Variants in PASK observed in about 807,000 individuals in gnomAD.
PASK encodes PAS domain containing serine/threonine kinase.
Under a neutral mutation model 121.0 loss-of-function variants are expected in PASK, and 110 were observed. The ratio of observed to expected loss-of-function variants is 0.91; its 90% CI spans 0.78 to 1.06. The LOEUF (loss-of-function observed/expected upper bound fraction) is 1.06, where lower values mean the gene tolerates loss of function less well. Among genes scored for constraint, PASK ranks in the 50% least tolerant of loss-of-function variants. The probability of loss-of-function intolerance (pLI) is 0.00; values close to 1 mark genes in which losing one functional copy is unlikely to be tolerated. For missense variants in PASK, 1,643 were observed against 1,702.3 expected (o/e 0.97, Z 0.61); for synonymous variants, 686 against 717.8 (o/e 0.96, Z 0.71).
At chr2:241,132,776 GAAT>G in intron 9 of PASK, 95 bp downstream of exon 9, 1 of 1,024,718 alleles carries the variant, frequency 9.8e-7, no homozygotes, top group South Asian at 1.3e-5. Context: ...ATGTTACTAT[GAAT>G]AATAGGCTGA....
chr2:241,126,113 C>A (rs1422055203), intron 10 of PASK, 83 bp downstream of exon 10: 3 of 1,235,130 alleles, frequency 2.4e-6, no homozygotes, highest in Non-Finnish European at 1.2e-6. Flanking sequence ...CCCCATCAGA[C>A]CCCAGAACAA....
chr2:241,149,218 T>C (rs891866030), intron 1 of PASK, among the ~76,000 whole-genome samples, 196 bp downstream of exon 1: 8 of 152,070 alleles, frequency 5.3e-5, no homozygotes, highest in Non-Finnish European at 1.2e-4. Flanking sequence ...CCCGCCGCGA[T>C]TTGGGCACGG....
At chr2:241,126,007 C>T (rs2065841948) in intron 10 of PASK, among the ~76,000 whole-genome samples, 189 bp downstream of exon 10, 1 of 152,220 alleles carries the variant, frequency 6.6e-6, no homozygotes, top group Non-Finnish European at 1.5e-5. Flanking sequence ...GCCACCCTCC[C>T]CAGGCACACA....
intron 1 of PASK, among the ~76,000 whole-genome samples, chr2:241,148,543 T>G (rs2067090178): frequency 6.6e-6 from 1 of 151,516 alleles, no homozygotes; most frequent in Admixed American, 6.6e-5. Context: ...CCCAGAAGAG[T>G]AGGTGGACGT....
chr2:241,107,258 C>G (rs2064924508), intron 17 of PASK, 95 bp downstream of exon 17: 4 of 1,064,866 alleles, frequency 3.8e-6, no homozygotes, highest in Non-Finnish European at 5.9e-6. Flanking sequence ...GGGGAGAGAG[C>G]CTCCTTTTCC....
intron 12 of PASK, among the ~76,000 whole-genome samples, chr2:241,117,085 G>A (rs2065405832): frequency 6.6e-6 from 1 of 151,680 alleles, no homozygotes; most frequent in Admixed American, 6.6e-5. Flanking sequence ...GGAGGCGGGG[G>A]GCTGGGCAGG....
chr2:241,132,954 T>G lies in PASK; in HGVS notation c.1383A>C (p.Gln461His), dbSNP rs778277596. The change falls in exon 9 of 18, where the codon CAA becomes CAC. Residue 461 changes from glutamine to histidine, a missense_variant. By Grantham distance (24) the Gln-to-His change is conservative. This residue lies in a region of PASK where 1,176 missense variants were observed against 1,162.2 expected (regional missense o/e 1.01). Coordinates refer to ENST00000234040, the MANE Select transcript of PASK (RefSeq NM_015148.4). ...CAGTCTGAGTCCCGGTGAAGATGTC[T>G]TGGCTTTCCATCAGCTTCCGGATCT... Reference protein sequence around the residue: ...RDEIRKLMESQDIFTGTQTEL... With the variant: ...RDEIRKLMESHDIFTGTQTEL... The G allele has an allele frequency of 1.2e-6, 2 of 1,613,988 alleles. No individual in the cohort carries two copies. Among genetic ancestry groups the G allele is most frequent in the South Asian group, 1.1e-5 (1 of 91,074 alleles).
intron 12 of PASK, 57 bp downstream of exon 12, chr2:241,122,675 A>C: frequency 6.5e-7 from 1 of 1,539,750 alleles, no homozygotes; most frequent in Non-Finnish European, 9.0e-7. Flanking sequence ...TGGGACCAAA[A>C]GTCGAGAGCC....
chr2:241,141,581 A>C (rs983142539), intron 2 of PASK, among the ~76,000 whole-genome samples: 3 of 151,748 alleles, frequency 2.0e-5, no homozygotes, highest in Non-Finnish European at 4.4e-5. Context: ...CATCTCACCC[A>C]TTCCTCGGTA....
In PASK at chr2:241,106,456, T is replaced by C; in HGVS notation, c.*110A>G. The C allele has an allele frequency of 8.9e-7, 1 of 1,128,066 alleles. No homozygotes were observed. 69.9% of individuals were successfully genotyped at this position (1,128,066 alleles called of 1,614,324 possible). A position where few individuals can be genotyped will look rare whatever the true frequency, so the allele number is the denominator to read the frequency against. On this transcript the variant is annotated 3_prime_UTR_variant, in exon 18 of 18. Transcript: ENST00000234040. ...GTTTATCAAACCTGCACATGAGTTT[T>C]TAGAAGGTGAATTGGGGATGCTTCA...
At chr2:241,129,528 TC>T (rs1372401701) in intron 9 of PASK, among the ~76,000 whole-genome samples, 1 of 152,244 alleles carries the variant, frequency 6.6e-6, no homozygotes, top group East Asian at 1.9e-4. Flanking sequence ...AAACAGCTTC[TC>T]ACGTGCTTAG....
chr2:241,135,297 C>A (rs760980626), intron 8 of PASK, among the ~76,000 whole-genome samples: 15 of 152,196 alleles, frequency 9.9e-5, no homozygotes, highest in Admixed American at 2.6e-4. Context: ...TCAGTACACT[C>A]AGGGGATGGG....
chr2:241,115,062 G>C lies in PASK; in HGVS notation c.3314C>G (p.Ala1105Gly), dbSNP rs201337454. 1 of 1,614,122 alleles carries C rather than the reference G, an allele frequency of 6.2e-7. No homozygotes were observed. The highest frequency in any genetic ancestry group is 2.2e-5 in the East Asian group (1 of 44,884). The change falls in exon 14 of 18, where the codon GCG becomes GGG. Residue 1105 changes from alanine to glycine, a missense_variant. This residue lies in a region of PASK where 453 missense variants were observed against 511.2 expected (regional missense o/e 0.89). Transcript: ENST00000234040. The stretch of plus-strand genomic sequence containing the variant: ...TCTCACTTGTCGGAAGATGTAGCTC[G>C]CCAGGGGCTCATCCAGCCTGGGGTG... Reference protein sequence around the residue: ...DRHPRLDEPLASYIFRQLVSA... With the variant: ...DRHPRLDEPLGSYIFRQLVSA...
Position 241,115,126 on chromosome 2 carries a change from G to C in PASK, c.3250C>G (p.His1084Asp). Residue 1084 changes from histidine (H) to aspartate (D), a missense_variant, in exon 14 of 18, where the codon CAC becomes GAC. Coordinates refer to ENST00000234040, the MANE Select transcript of PASK (RefSeq NM_015148.4). ...GCGAAGAGGTCTAGGCCGGAGCCGT[G>C]CTTCTCCATCACAAGCTGGAAGAAC... The part of the protein sequence containing the change: ...QGFFQLVMEK[H>D]GSGLDLFAFI... 1 of 1,614,088 alleles carries C rather than the reference G, an allele frequency of 6.2e-7. No individual in the cohort carries two copies. The highest frequency in any genetic ancestry group is 8.5e-7 in the Non-Finnish European group (1 of 1,179,966).
chr2:241,116,323 G>A (rs972664382), intron 12 of PASK, among the ~76,000 whole-genome samples: 1 of 152,244 alleles, frequency 6.6e-6, no homozygotes, highest in African/African-American at 2.4e-5. Context: ...AAGGGGGTCA[G>A]CAGCTGACCA....
chr2:241,139,917 CG>C lies in PASK; in HGVS notation c.567del (p.Asp190ThrfsTer28). On this transcript the variant is annotated frameshift_variant, in exon 4 of 18. Transcript: ENST00000234040. LOFTEE classifies it high-confidence loss of function. ...VEALSEEHME[A>X]DGHAAVVFGT... ...CCAAACACCACCGCAGCGTGGCCGT[CG>C]GCCTCCATGTGCTCCTCGCTGAGGG... 6.2e-7 allele frequency: 1 copy of C among 1,614,208 alleles called. No homozygotes were observed. The highest frequency in any genetic ancestry group is 8.5e-7 in the Non-Finnish European group (1 of 1,180,012).
chr2:241,141,824 A>G (rs2066708733), intron 2 of PASK, among the ~76,000 whole-genome samples: 1 of 151,244 alleles, frequency 6.6e-6, no homozygotes, highest in Non-Finnish European at 1.5e-5. Flanking sequence ...CCTGACCCCG[A>G]CCATTCTCTG....
chr2:241,120,601 G>A (rs547119007), intron 12 of PASK, among the ~76,000 whole-genome samples: 1 of 152,240 alleles, frequency 6.6e-6, no homozygotes, highest in South Asian at 2.1e-4. Context: ...AGTCATCAGG[G>A]AAATGCAAAT....
At chr2:241,131,187 C>T (rs530047402) in intron 9 of PASK, among the ~76,000 whole-genome samples, 183 of 149,702 alleles carry the variant, frequency 1.2e-3, no homozygotes, top group African/African-American at 4.3e-3. Flanking sequence ...CTCACTCTGT[C>T]GCCCAGGCTG....
Sources: allele counts gnomAD v4.1 joint callset (sites outside exome capture counted in the v4.1 genomes callset), GRCh38; gene constraint gnomAD v4.1.1; regional missense constraint gnomAD v4.1.1; transcripts MANE v1.5; gene names NCBI Gene and HGNC (gene_info 2026-07-23, HGNC 2026-07-21).